ARHGAP21: variants seen among roughly 807,000 people sequenced by gnomAD.
The protein encoded by ARHGAP21 is Rho GTPase activating protein 21, also known as rho GTPase-activating protein 21.
ARHGAP21 carries 38 observed loss-of-function variants against 164.6 expected under a neutral mutation model. The ratio of observed to expected loss-of-function variants is 0.23; its 90% CI spans 0.18 to 0.30. The LOEUF (loss-of-function observed/expected upper bound fraction) is 0.30, where lower values mean the gene tolerates loss of function less well. Ranked by LOEUF, ARHGAP21 falls within the 10% of genes least tolerant of loss-of-function variation. The pLI, the probability that ARHGAP21 is intolerant of heterozygous loss-of-function variation, is 1.00. For missense variants in ARHGAP21, 1,822 were observed against 2,370.7 expected, an observed-to-expected ratio of 0.77 and a Z score of 4.81; for synonymous variants, 766 against 857.9, an observed-to-expected ratio of 0.89 and a Z score of 1.87.
chr10:24,600,641 C>A lies in ARHGAP21; in HGVS notation c.3132+5G>T. On this transcript the variant is annotated splice_donor_5th_base_variant and intron_variant, in intron 14 of 25. Transcript: ENST00000396432. ...GATTTCTCCAGCATTCCTTTGAACA[C>A]CCACCTCTTCGTTTAGGTTGCTGCT... The A allele has an allele frequency of 1.2e-6, 2 of 1,611,628 alleles. No individual in the cohort carries two copies. Among genetic ancestry groups the A allele is most frequent in the Non-Finnish European group, 1.7e-6 (2 of 1,178,066 alleles).
At chr10:24,655,731 G>A (rs1240294945) in intron 4 of ARHGAP21, among the ~76,000 whole-genome samples, 2 of 139,824 alleles carry the variant, frequency 1.4e-5, no homozygotes, top group Non-Finnish European at 3.1e-5. Context: ...AAAGTGAGGA[G>A]CGTCTCCGCC....
chr10:24,655,638 C>T lies in ARHGAP21; in HGVS notation c.268+11347G>A, dbSNP rs1201613958. 4.0e-5 allele frequency among the ~76,000 whole-genome samples: 6 copies of T among 149,192 alleles called. No homozygotes were observed. The East Asian group carries it at 1.0e-3, about 25-fold the overall frequency. ...TGCAGCCTCTGCCCGGCCGCCACCCCGTCTGGGAAGTGAGGAGTGTCTCTG... is the reference window on the plus strand; with the variant it reads ...TGCAGCCTCTGCCCGGCCGCCACCCTGTCTGGGAAGTGAGGAGTGTCTCTG... On this transcript the variant is annotated intron_variant, in intron 4 of 25. Transcript: ENST00000396432.
At chr10:24,639,199 C>G (rs1328975414) in intron 4 of ARHGAP21, among the ~76,000 whole-genome samples, 1 of 151,986 alleles carries the variant, frequency 6.6e-6, no homozygotes, top group Non-Finnish European at 1.5e-5. Flanking sequence ...TCAGATTTTG[C>G]AATATTTGAT....
chr10:24,625,303 A>AAAAAAAAAAAAAAAAAAAAAAC (rs1835024038), intron 7 of ARHGAP21, among the ~76,000 whole-genome samples: 1 of 149,080 alleles, frequency 6.7e-6, no homozygotes, highest in Non-Finnish European at 1.5e-5. Flanking sequence ...AACAGAGAAA[A>AAAAAAAAAAAAAAAAAAAAAAC]AAAAAAAAAA....
At chr10:24,697,584 C>T (rs1387017744) in intron 2 of ARHGAP21, among the ~76,000 whole-genome samples, 2 of 152,012 alleles carry the variant, frequency 1.3e-5, no homozygotes, top group Non-Finnish European at 2.9e-5. Flanking sequence ...TGGCCAGGCA[C>T]GGTGGTTCAT....
At chr10:24,610,441 G>GGTTTTTATTATAAA (rs2077209761) in intron 9 of ARHGAP21, among the ~76,000 whole-genome samples, 3 of 147,534 alleles carry the variant, frequency 2.0e-5, no homozygotes, top group South Asian at 4.3e-4. Flanking sequence ...ATAATAAAAA[G>GGTTTTTATTATAAA]AACGGTGAAG....
chr10:24,607,945 T>C (rs903649978), intron 9 of ARHGAP21, 42 bp from the exon 10 acceptor site: 1 of 1,531,788 alleles, frequency 6.5e-7, no homozygotes. Flanking sequence ...ATGACCTAAT[T>C]GTTATTAATA....
chr10:24,610,832 A>G (rs1214450563), intron 9 of ARHGAP21, among the ~76,000 whole-genome samples: 1 of 152,208 alleles, frequency 6.6e-6, no homozygotes. Context: ...ATAAGTAAGG[A>G]CCACTAAAAT....
At chr10:24,713,365 A>G (rs1845032676) in intron 2 of ARHGAP21, among the ~76,000 whole-genome samples, 1 of 152,206 alleles carries the variant, frequency 6.6e-6, no homozygotes, top group African/African-American at 2.4e-5. Context: ...AACACACCCA[A>G]TATCAAATAG....
chr10:24,703,031 T>G (rs1843851764), intron 2 of ARHGAP21, among the ~76,000 whole-genome samples: 1 of 152,160 alleles, frequency 6.6e-6, no homozygotes. Context: ...TATTATACAC[T>G]GTACTTTACA....
rs746581636 is a variant in ARHGAP21 at position 24,619,807 on chromosome 10, C to T, written c.2088G>A (p.Ser696=). 5 of 1,614,116 alleles carry T rather than the reference C, an allele frequency of 3.1e-6. No homozygotes were observed. The highest frequency in any genetic ancestry group is 4.5e-5 in the East Asian group (2 of 44,880). The change falls in exon 9 of 26, where the codon TCG becomes TCA. Residue 696 remains serine, a synonymous_variant. Transcript: ENST00000396432. ...SGASAKPAPQ[S]SENAGTSDLE... ...AATCTGAAGTACCAGCGTTTTCACTCGACTGAGGGGCAGGCTTGGCAGAGG... is the reference window on the plus strand; with the variant it reads ...AATCTGAAGTACCAGCGTTTTCACTTGACTGAGGGGCAGGCTTGGCAGAGG...
chr10:24,711,398 A>G (rs1031276052), intron 2 of ARHGAP21, among the ~76,000 whole-genome samples: 3 of 152,102 alleles, frequency 2.0e-5, no homozygotes, highest in Non-Finnish European at 4.4e-5. Context: ...AGGCCCAACT[A>G]TAATCAATCT....
chr10:24,610,713 G>A (rs1328699269), intron 9 of ARHGAP21, among the ~76,000 whole-genome samples: 3 of 151,936 alleles, frequency 2.0e-5, no homozygotes, highest in Admixed American at 2.0e-4. Flanking sequence ...TAATATTTTA[G>A]AAAAACATCT....
intron 2 of ARHGAP21, among the ~76,000 whole-genome samples, chr10:24,674,227 C>A (rs371882646): frequency 6.6e-6 from 1 of 152,006 alleles, no homozygotes; most frequent in South Asian, 2.1e-4. Context: ...CCTGTCTCTA[C>A]ACAAAATTTA....
chr10:24,713,789 A>G (rs551464272), intron 2 of ARHGAP21, among the ~76,000 whole-genome samples: 6 of 152,208 alleles, frequency 3.9e-5, no homozygotes, highest in African/African-American at 1.4e-4. Flanking sequence ...AAGTTTCTCA[A>G]ACCTATAGTA....
intron 16 of ARHGAP21, 68 bp from the exon 17 acceptor site, chr10:24,596,950 A>AAAAC: frequency 6.7e-7 from 1 of 1,498,690 alleles, no homozygotes; most frequent in Non-Finnish European, 9.0e-7. Context: ...CATGACTTTA[A>AAAAC]AAACACTTTA....
At chr10:24,689,664 C>T (rs1170130766) in intron 2 of ARHGAP21, among the ~76,000 whole-genome samples, 1 of 151,954 alleles carries the variant, frequency 6.6e-6, no homozygotes, top group African/African-American at 2.4e-5. Context: ...TCATCTGAGC[C>T]CGGAAGGTTG....
chr10:24,661,871 G>T (rs529901714), intron 4 of ARHGAP21, among the ~76,000 whole-genome samples: 1 of 152,270 alleles, frequency 6.6e-6, no homozygotes, highest in Admixed American at 6.5e-5. Context: ...ATACAATATG[G>T]TGTAATTGTT....
intron 7 of ARHGAP21, among the ~76,000 whole-genome samples, chr10:24,626,181 T>C (rs929240329): frequency 7.2e-5 from 11 of 152,330 alleles, no homozygotes; most frequent in African/African-American, 1.9e-4. Flanking sequence ...TTTGAGTCAA[T>C]GGAGCCAAAT....
Sources: allele counts gnomAD v4.1 joint callset (sites outside exome capture counted in the v4.1 genomes callset), GRCh38; gene constraint gnomAD v4.1.1; transcripts MANE v1.5; gene names NCBI Gene and HGNC (gene_info 2026-07-23, HGNC 2026-07-21).